The following PRELID2 variants were observed in gnomAD, a reference collection of about 807,000 sequenced individuals.
PRELID2 encodes PRELI domain containing 2, also known as PRELI domain-containing protein 2.
Under a neutral mutation model 28.4 loss-of-function variants are expected in PRELID2, and 25 were observed. The observed-to-expected ratio is 0.88, with a 90% CI of 0.64 to 1.23. The LOEUF is 1.23. Among genes scored for constraint, PRELID2 ranks in the 50% most tolerant of loss-of-function variants. The pLI, the probability that PRELID2 is intolerant of heterozygous loss-of-function variation, is 0.00. For synonymous variants in PRELID2, 76 were observed against 71.6 expected, an observed-to-expected ratio of 1.06 and a Z score of -0.31; for missense variants, 201 against 214.4, an observed-to-expected ratio of 0.94 and a Z score of 0.39.
At chr5:145,333,122 G>A in the PRELID2 span, among the ~76,000 whole-genome samples, 3 of 152,200 alleles carry the variant, frequency 2.0e-5, no homozygotes, top group Non-Finnish European at 4.4e-5. Context: ...AAAGATTGCT[G>A]CCTGTTCCTT....
At chr5:145,424,277 C>T in the PRELID2 span, among the ~76,000 whole-genome samples, 1 of 152,218 alleles carries the variant, frequency 6.6e-6, no homozygotes, top group South Asian at 2.1e-4. Context: ...GTTCGAGCTT[C>T]CCGGCTGCTT....
chr5:145,557,905 A>C (rs1396108432), intron 1 of PRELID2, among the ~76,000 whole-genome samples: 1 of 152,198 alleles, frequency 6.6e-6, no homozygotes, highest in Non-Finnish European at 1.5e-5. Context: ...TTATTGATGA[A>C]GTTGGTTCTT....
intron 1 of PRELID2, among the ~76,000 whole-genome samples, chr5:145,701,595 G>C (rs1755408172): frequency 6.6e-6 from 1 of 152,256 alleles, no homozygotes; most frequent in African/African-American, 2.4e-5. Context: ...CAAACCACAA[G>C]GTGTCACTTA....
intron 5 of PRELID2, among the ~76,000 whole-genome samples, chr5:145,774,443 T>A (rs1239289389): frequency 6.6e-6 from 1 of 152,202 alleles, no homozygotes; most frequent in African/African-American, 2.4e-5. Context: ...AGGCAACATA[T>A]AAAGCTACTG....
the PRELID2 span, among the ~76,000 whole-genome samples, chr5:145,275,587 C>T: frequency 6.6e-6 from 1 of 152,066 alleles, no homozygotes; most frequent in Non-Finnish European, 1.5e-5. Flanking sequence ...CAGATTTGTG[C>T]AATGAGTATG....
At chr5:145,251,126 G>A in the PRELID2 span, among the ~76,000 whole-genome samples, 1 of 152,058 alleles carries the variant, frequency 6.6e-6, no homozygotes, top group Non-Finnish European at 1.5e-5. Context: ...AAGTATAAGG[G>A]AGAAATCAAG....
chr5:145,643,828 T>A (rs924194505), intron 1 of PRELID2, among the ~76,000 whole-genome samples: 6 of 152,242 alleles, frequency 3.9e-5, no homozygotes, highest in Admixed American at 3.9e-4. Context: ...TTGACTTGTG[T>A]ATGTTGGACC....
At chr5:145,577,056 G>A (rs1180576338) in intron 1 of PRELID2, among the ~76,000 whole-genome samples, 4 of 152,078 alleles carry the variant, frequency 2.6e-5, no homozygotes, top group Non-Finnish European at 5.9e-5. Context: ...CCAGGCTTAG[G>A]GACCCTGCCA....
chr5:145,434,229 C>T, the PRELID2 span, among the ~76,000 whole-genome samples: 1 of 152,138 alleles, frequency 6.6e-6, no homozygotes, highest in Admixed American at 6.5e-5. Context: ...AAATTAGTTT[C>T]AGTGAATTGT....
At chr5:145,546,872 A>T (rs1024307476) in intron 1 of PRELID2, among the ~76,000 whole-genome samples, 8 of 152,196 alleles carry the variant, frequency 5.3e-5, no homozygotes, top group African/African-American at 1.2e-4. Flanking sequence ...AGAAGAGGGA[A>T]AACAGCTTAG....
the PRELID2 span, among the ~76,000 whole-genome samples, chr5:145,354,590 C>T: frequency 1.3e-5 from 2 of 152,026 alleles, no homozygotes; most frequent in African/African-American, 4.8e-5. Flanking sequence ...AGAGAAATAC[C>T]TATTTGCTTC....
chr5:145,586,154 G>T (rs1753152722), intron 1 of PRELID2, among the ~76,000 whole-genome samples: 1 of 152,064 alleles, frequency 6.6e-6, no homozygotes, highest in South Asian at 2.1e-4. Flanking sequence ...GCAGACAGAA[G>T]CCAAATTGAC....
chr5:145,267,573 G>C, the PRELID2 span, among the ~76,000 whole-genome samples: 25 of 152,230 alleles, frequency 1.6e-4, no homozygotes, highest in African/African-American at 6.0e-4. Flanking sequence ...TAGACACTTA[G>C]GTTGCTTCCA....
chr5:145,612,497 T>TTACA (rs1411729345), intron 1 of PRELID2, among the ~76,000 whole-genome samples: 4 of 152,194 alleles, frequency 2.6e-5, no homozygotes, highest in Non-Finnish European at 5.9e-5. Context: ...GGGGTACAGG[T>TTACA]GGTGTTTGGT....
At chr5:145,450,447 C>T in the PRELID2 span, among the ~76,000 whole-genome samples, 6 of 152,264 alleles carry the variant, frequency 3.9e-5, no homozygotes, top group Non-Finnish European at 8.8e-5. Context: ...AAGCAACAAT[C>T]TACCTCCTGG....
chr5:145,414,295 T>C, the PRELID2 span, among the ~76,000 whole-genome samples: 2 of 152,180 alleles, frequency 1.3e-5, no homozygotes, highest in African/African-American at 2.4e-5. Context: ...ATAGGTGTTT[T>C]CTATAGAATC....
intron 1 of PRELID2, among the ~76,000 whole-genome samples, chr5:145,556,818 T>C (rs1752883502): frequency 6.6e-6 from 1 of 152,198 alleles, no homozygotes; most frequent in South Asian, 2.1e-4. Flanking sequence ...AGCACCACTA[T>C]GAATGCACTT....
the PRELID2 span, among the ~76,000 whole-genome samples, chr5:145,404,305 A>T: frequency 6.6e-6 from 1 of 152,208 alleles, no homozygotes; most frequent in Non-Finnish European, 1.5e-5. Context: ...TAGCTCATGC[A>T]TCAGCTGCAG....
chr5:145,378,850 AAAG>A, the PRELID2 span, among the ~76,000 whole-genome samples: 2 of 152,208 alleles, frequency 1.3e-5, no homozygotes, highest in African/African-American at 4.8e-5. Context: ...TATTTGAAGA[AAAG>A]AAGACATTCT....
Sources: allele counts gnomAD v4.1 joint callset (sites outside exome capture counted in the v4.1 genomes callset), GRCh38; gene constraint gnomAD v4.1.1; transcripts MANE v1.5; gene names NCBI Gene and HGNC (gene_info 2026-07-23, HGNC 2026-07-21).